PNPLA7: variants seen among roughly 807,000 people sequenced by gnomAD.
The protein encoded by PNPLA7 is patatin-like phospholipase domain-containing protein 7.
A neutral mutation model predicts 161.7 loss-of-function variants in PNPLA7; 153 were observed. That is an observed-to-expected ratio of 0.95 (90% CI 0.83 to 1.08). The LOEUF (loss-of-function observed/expected upper bound fraction) is 1.08. Ranked by LOEUF, PNPLA7 falls within the 50% of genes least tolerant of loss-of-function variation. The pLI is 0.00. For missense variants in PNPLA7, 1,739 were observed against 1,856.6 expected, an observed-to-expected ratio of 0.94 and a Z score of 1.16; for synonymous variants, 809 against 782.1, an observed-to-expected ratio of 1.03 and a Z score of -0.57.
At chr9:137,492,012 C>T (rs943497203) in intron 20 of PNPLA7, 1 of 985,374 alleles carries the variant, frequency 1.0e-6, no homozygotes, top group African/African-American at 1.7e-5. Context: ...GGCACAGAGG[C>T]AGAAGGCAGG....
At chr9:137,487,581 C>G (rs1465390204) in intron 20 of PNPLA7, among the ~76,000 whole-genome samples, 1 of 152,246 alleles carries the variant, frequency 6.6e-6, no homozygotes. Flanking sequence ...CATCTCGTGC[C>G]TGGGGGCTCT....
intron 12 of PNPLA7, among the ~76,000 whole-genome samples, chr9:137,514,730 T>C (rs1277479842): frequency 8.4e-5 from 11 of 130,730 alleles, no homozygotes; most frequent in Non-Finnish European, 1.1e-4. Flanking sequence ...GGCTGGGCTG[T>C]GGGTGGGTCA....
Position 137,540,827 on chromosome 9 carries a change from C to A in PNPLA7, c.667-105G>T. The A allele has an allele frequency of 3.1e-6, 3 of 968,504 alleles. No individual in the cohort carries two copies. Among genetic ancestry groups the A allele is most frequent in the Non-Finnish European group, 4.7e-6 (3 of 631,594 alleles). The allele number at this position is 968,504 out of a possible 1,614,324, so 60.0% of individuals were successfully genotyped here. A position where few individuals can be genotyped will look rare whatever the true frequency, so the allele number is the denominator to read the frequency against. On this transcript the variant is annotated intron_variant, in intron 7 of 34. Coordinates refer to ENST00000406427, the MANE Select transcript of PNPLA7 (RefSeq NM_001098537.3). This position sits in a 1 kb window ranked among gnomAD's most constrained non-coding sequence, Gnocchi z 5.1. Reference sequence around the variant, plus strand: ...GGGCAGTGGGGCCACGGGCCTGCACCTCTGAGGCGCCATGAGAGCAGCAGG... The same window carrying A: ...GGGCAGTGGGGCCACGGGCCTGCACATCTGAGGCGCCATGAGAGCAGCAGG...
intron 14 of PNPLA7, 39 bp downstream of exon 14, chr9:137,505,575 G>A (rs1588630999): frequency 6.2e-7 from 1 of 1,609,184 alleles, no homozygotes; most frequent in Non-Finnish European, 8.5e-7. Flanking sequence ...CACGGGCCCT[G>A]GGTGGGACAA....
rs988118235 is a variant in PNPLA7, at chr9:137,460,489, C to T, written c.3946-13G>A. The stretch of plus-strand genomic sequence containing the variant: ...AGGACTCGTCCTCCTGCAAGCAGAC[C>T]GCATGTTCCAGGTGAGGACCAGGCA... On this transcript the variant is annotated splice_polypyrimidine_tract_variant and intron_variant, in intron 34 of 34. Transcript: ENST00000406427. The T allele has an allele frequency of 4.3e-6, 7 of 1,611,876 alleles. No individual in the cohort carries two copies. The highest frequency in any genetic ancestry group is 2.7e-5 in the African/African-American group (2 of 74,904).
chr9:137,461,606 G>T lies in PNPLA7; in HGVS notation c.3771C>A (p.Pro1257=), dbSNP rs757156239. ...CGGCAAGGTCCGTGAAGGAGGCGTT[G>T]GGACAGGTGAGGACCTAGGGGTGGG... ...KKPASAVLTC[P]NASFTDLAEI... Residue 1257 remains proline, a synonymous_variant, in exon 33 of 35, where the codon CCC becomes CCA. Transcript: ENST00000406427. The T allele has an allele frequency of 6.2e-7, 1 of 1,612,424 alleles. No homozygotes were observed. Among genetic ancestry groups the T allele is most frequent in the Non-Finnish European group, 8.5e-7 (1 of 1,179,472 alleles).
rs77218013 is a variant in PNPLA7 at position 137,519,209 on chromosome 9, A to G, written c.1084+708T>C. On this transcript the variant is annotated intron_variant, in intron 11 of 34. Coordinates refer to ENST00000406427, the MANE Select transcript of PNPLA7 (RefSeq NM_001098537.3). ...CTTTTGGGAACATGATGGGCTATAAATAACCAAGCGCGCACCTCATCTGTA... is the reference window on the plus strand; with the variant it reads ...CTTTTGGGAACATGATGGGCTATAAGTAACCAAGCGCGCACCTCATCTGTA... 9.9e-3 allele frequency among the ~76,000 whole-genome samples: 1,504 copies of G among 152,374 alleles called. 31 individuals carry two copies. Among genetic ancestry groups the G allele is most frequent in the African/African-American group, 0.035 (1,438 of 41,582 alleles).
chr9:137,544,995 A>G (rs1242409257), intron 4 of PNPLA7, among the ~76,000 whole-genome samples: 1 of 152,080 alleles, frequency 6.6e-6, no homozygotes, highest in Non-Finnish European at 1.5e-5. Flanking sequence ...GTACAACCAG[A>G]AAAAGGTAAC....
chr9:137,467,915 A>AAATT lies in PNPLA7; in HGVS notation c.2883-446_2883-443dup, dbSNP rs2132084407. On this transcript the variant is annotated intron_variant, in intron 25 of 34. Coordinates refer to ENST00000406427, the MANE Select transcript of PNPLA7 (RefSeq NM_001098537.3). This position sits in a 1 kb window ranked among gnomAD's most constrained non-coding sequence, Gnocchi z 5.1. ...TCTGACTCAAAATAAATAAATAAAT[A>AAATT]AATTAATTAAATAAATGAAATCCTT... is the stretch of plus-strand genomic sequence containing the variant. 6.6e-6 allele frequency among the ~76,000 whole-genome samples: 1 copy of AAATT among 152,136 alleles called. No homozygotes were observed. Among genetic ancestry groups the AAATT allele is most frequent in the East Asian group, 1.9e-4 (1 of 5,172 alleles).
At chr9:137,531,342 T>TA (rs1835572788) in intron 8 of PNPLA7, among the ~76,000 whole-genome samples, 1 of 152,204 alleles carries the variant, frequency 6.6e-6, no homozygotes, top group Non-Finnish European at 1.5e-5. Flanking sequence ...CAGCTGTTGC[T>TA]AAAAATGGCT....
chr9:137,481,701 G>C (rs1163172818), intron 21 of PNPLA7, among the ~76,000 whole-genome samples: 1 of 152,178 alleles, frequency 6.6e-6, no homozygotes, highest in Admixed American at 6.5e-5. Context: ...GGTGGCTCAC[G>C]CCTGTAATCC....
chr9:137,529,985 G>T (rs997873206), intron 8 of PNPLA7, among the ~76,000 whole-genome samples: 4 of 146,924 alleles, frequency 2.7e-5, no homozygotes, highest in African/African-American at 1.0e-4. Context: ...TTTTTCCTGA[G>T]ATACAGTCTT....
chr9:137,493,188 G>A, intron 19 of PNPLA7, 106 bp from the exon 20 acceptor site: 2 of 1,202,310 alleles, frequency 1.7e-6, no homozygotes, highest in East Asian at 2.4e-5. Context: ...AATGGCGCTG[G>A]ATCTGCTTTT....
rs933365275 is a variant in PNPLA7, at chr9:137,541,783, C to T, written c.666+859G>A. Among the ~76,000 whole-genome samples the T allele has an allele frequency of 3.9e-5, 6 of 152,018 alleles. No homozygotes were observed. The South Asian group carries it at 8.3e-4, about 21-fold the overall frequency. The stretch of plus-strand genomic sequence containing the variant: ...TTGAGCTCCTACGTGGATTCACACC[C>T]GAATTTTTTTTTTTTTGAGACAGGG... On this transcript the variant is annotated intron_variant, in intron 7 of 34. Coordinates refer to ENST00000406427, the MANE Select transcript of PNPLA7 (RefSeq NM_001098537.3). This position sits in a 1 kb window ranked among gnomAD's most constrained non-coding sequence, Gnocchi z 4.4.
chr9:137,511,297 C>G (rs1164968820), intron 12 of PNPLA7, among the ~76,000 whole-genome samples: 5 of 147,288 alleles, frequency 3.4e-5, no homozygotes, highest in African/African-American at 1.3e-4. Context: ...CCTGGGAAGG[C>G]ACCCGTTACT....
At position 137,547,596 on chromosome 9, in the gene PNPLA7, G is replaced by A; in HGVS notation, c.94C>T (p.Pro32Ser). ...WGLWFTEEGS[P>S]STMLTGIAVG... ...CGTGAGGTGATTACCATGGTGGACG[G>A]TGAACCTTCCTCCGTGAACCACAGT... Residue 32 changes from proline to serine, a missense_variant, in exon 2 of 35, where the codon CCG (proline) becomes TCG (serine). Around this residue, in one of 6 missense-constraint regions of PNPLA7, gnomAD observed 209 missense variants for 252.8 expected, o/e 0.83. Coordinates refer to ENST00000406427, the MANE Select transcript of PNPLA7 (RefSeq NM_001098537.3). This position sits in a 1 kb window ranked among gnomAD's most constrained non-coding sequence, Gnocchi z 4.6. 6.2e-7 allele frequency: 1 copy of A among 1,613,286 alleles called. No individual in the cohort carries two copies. The highest frequency in any genetic ancestry group is 8.5e-7 in the Non-Finnish European group (1 of 1,179,848).
chr9:137,481,467 AT>A (rs1419737870), intron 21 of PNPLA7, among the ~76,000 whole-genome samples: 2 of 152,126 alleles, frequency 1.3e-5, no homozygotes, highest in African/African-American at 4.8e-5. Context: ...GCCTGTTCGT[AT>A]GCATCTTCCA....
chr9:137,495,350 C>A (rs1388677903), intron 18 of PNPLA7, among the ~76,000 whole-genome samples: 1 of 152,224 alleles, frequency 6.6e-6, no homozygotes, highest in East Asian at 1.9e-4. Flanking sequence ...CCCTAGCAAC[C>A]CAGGCAAATT....
chr9:137,550,082 G>C (rs750687583), intron 1 of PNPLA7, 86 bp downstream of exon 1: 6 of 1,544,154 alleles, frequency 3.9e-6, no homozygotes, highest in Non-Finnish European at 4.5e-6. Flanking sequence ...GAGCGCGGCA[G>C]AGCAGACGCC....
Sources: gnomAD v4.1 joint callset for allele counts (sites outside exome capture counted in the v4.1 genomes callset) on GRCh38, gnomAD v4.1.1 for gene constraint, gnomAD v4.1.1 regional missense constraint, Gnocchi (gnomAD v3.1) non-coding constraint, MANE v1.5 for transcripts, NCBI Gene and HGNC (gene_info 2026-07-23, HGNC 2026-07-21) for gene names.